The following LRRTM4 variants were observed in gnomAD, a reference collection of about 807,000 sequenced individuals.
LRRTM4 encodes the protein leucine rich repeat transmembrane neuronal 4, also known as leucine-rich repeat transmembrane neuronal protein 4.
Under a neutral mutation model 47.6 loss-of-function variants are expected in LRRTM4, and 25 were observed. The ratio of observed to expected loss-of-function variants is 0.53; its 90% CI spans 0.38 to 0.73. The LOEUF is 0.73. LRRTM4 is among the 30% of genes least tolerant of loss of function. The probability of loss-of-function intolerance (pLI) is 0.00; values close to 1 mark genes in which losing one functional copy is unlikely to be tolerated. For missense variants in LRRTM4, 638 were observed against 713.4 expected, an observed-to-expected ratio of 0.89 and a Z score of 1.20; for synonymous variants, 311 against 269.5, an observed-to-expected ratio of 1.15 and a Z score of -1.51.
chr2:77,010,557 A>G (rs575050939), intron 3 of LRRTM4, among the ~76,000 whole-genome samples: 8 of 145,758 alleles, frequency 5.5e-5, no homozygotes, highest in African/African-American at 2.0e-4. Flanking sequence ...GTCTTTAACC[A>G]TTCATCTGTT....
chr2:77,325,226 C>T (rs1670716031), intron 3 of LRRTM4, among the ~76,000 whole-genome samples: 1 of 152,130 alleles, frequency 6.6e-6, no homozygotes, highest in Non-Finnish European at 1.5e-5. Flanking sequence ...CCTGTATCAG[C>T]CTCTGGTTCT....
intron 3 of LRRTM4, among the ~76,000 whole-genome samples, chr2:76,797,765 G>C (rs1041514450): frequency 6.6e-6 from 1 of 150,660 alleles, no homozygotes; most frequent in South Asian, 2.1e-4. Context: ...AAAAGGATGG[G>C]GGAAGATCTA....
intron 3 of LRRTM4, among the ~76,000 whole-genome samples, chr2:77,289,135 T>C (rs1676748579): frequency 6.6e-6 from 1 of 152,072 alleles, no homozygotes; most frequent in Admixed American, 6.6e-5. Flanking sequence ...AATTGGACCT[T>C]GACCAATATC....
intron 3 of LRRTM4, among the ~76,000 whole-genome samples, chr2:76,762,872 G>A (rs1517779): frequency 0.32 from 48,514 of 151,998 alleles, 8,582 homozygotes; most frequent in African/African-American, 0.47. Flanking sequence ...GTCATGTGAA[G>A]CAGGAAGTTT....
chr2:77,509,454 A>T (rs1007134701), intron 3 of LRRTM4, among the ~76,000 whole-genome samples: 1 of 152,086 alleles, frequency 6.6e-6, no homozygotes, highest in Non-Finnish European at 1.5e-5. Context: ...GGTATTATTA[A>T]ATATTGCCAG....
At chr2:76,846,691 A>ATAGT (rs1158628903) in intron 3 of LRRTM4, among the ~76,000 whole-genome samples, 2 of 152,078 alleles carry the variant, frequency 1.3e-5, no homozygotes, top group Non-Finnish European at 2.9e-5. Flanking sequence ...ACATACCTGA[A>ATAGT]TAGTTAGAAC....
At chr2:76,974,567 A>C (rs1388074761) in intron 3 of LRRTM4, among the ~76,000 whole-genome samples, 1 of 151,428 alleles carries the variant, frequency 6.6e-6, no homozygotes, top group African/African-American at 2.4e-5. Context: ...TATAATGGAA[A>C]TCAAGCAAAA....
intron 3 of LRRTM4, among the ~76,000 whole-genome samples, chr2:76,950,088 G>T (rs1387089742): frequency 6.6e-6 from 1 of 151,920 alleles, no homozygotes; most frequent in Non-Finnish European, 1.5e-5. Context: ...CACAAATTAT[G>T]AAAACAGTAG....
At chr2:77,087,770 A>C in intron 3 of LRRTM4, among the ~76,000 whole-genome samples, 1 of 152,254 alleles carries the variant, frequency 6.6e-6, no homozygotes, top group East Asian at 1.9e-4. Flanking sequence ...AAATAGAATG[A>C]GAATATATGT....
chr2:77,211,915 TC>T (rs1235636359), intron 3 of LRRTM4, among the ~76,000 whole-genome samples: 1 of 152,158 alleles, frequency 6.6e-6, no homozygotes, highest in Non-Finnish European at 1.5e-5. Context: ...TGTACTATAT[TC>T]TTTATTAATT....
chr2:77,468,369 A>G (rs1677060409), intron 3 of LRRTM4, among the ~76,000 whole-genome samples: 2 of 152,332 alleles, frequency 1.3e-5, no homozygotes, highest in South Asian at 2.1e-4. Context: ...TGAGAATTTT[A>G]TAGAACATCA....
intron 3 of LRRTM4, among the ~76,000 whole-genome samples, chr2:76,801,835 T>C (rs1050653961): frequency 6.6e-6 from 1 of 152,112 alleles, no homozygotes; most frequent in Non-Finnish European, 1.5e-5. Flanking sequence ...AATGTATAAA[T>C]GTGATATGCC....
intron 3 of LRRTM4, among the ~76,000 whole-genome samples, chr2:76,785,991 T>G (rs971717082): frequency 7.9e-5 from 12 of 152,108 alleles, no homozygotes; most frequent in African/African-American, 2.7e-4. Flanking sequence ...AATATGCAAT[T>G]TAACTCAATG....
Position 77,176,133 on chromosome 2 carries a change from G to T in LRRTM4, c.1551+342185C>A, listed in dbSNP as rs190765075. Among the ~76,000 whole-genome samples, 159 of 152,042 alleles carry T rather than the reference G, an allele frequency of 1.0e-3. 1 individual carries two copies. Among genetic ancestry groups the T allele is most frequent in the African/African-American group, 3.7e-3 (153 of 41,356 alleles). ...AATGCTTGAGGCTTTGTAAATTAGG[G>T]ATGTTTGTGTGAATAAAGTTATTTG... On this transcript the variant is annotated intron_variant, in intron 3 of 3. Coordinates refer to ENST00000409884, the MANE Select transcript of LRRTM4 (RefSeq NM_001134745.3).
intron 3 of LRRTM4, among the ~76,000 whole-genome samples, chr2:77,239,003 T>A (rs1295440582): frequency 2.0e-5 from 3 of 151,790 alleles, no homozygotes; most frequent in African/African-American, 7.2e-5. Flanking sequence ...TACCCACAAT[T>A]TTTTTAAATA....
At chr2:77,361,819 G>C (rs1672224464) in intron 3 of LRRTM4, among the ~76,000 whole-genome samples, 1 of 151,872 alleles carries the variant, frequency 6.6e-6, no homozygotes, top group Non-Finnish European at 1.5e-5. Context: ...TACAACCATT[G>C]ACATTTTACA....
chr2:77,045,786 G>A (rs1272021096), intron 3 of LRRTM4, among the ~76,000 whole-genome samples: 1 of 151,740 alleles, frequency 6.6e-6, no homozygotes, highest in Non-Finnish European at 1.5e-5. Context: ...CTCAGTCTTG[G>A]GTAAGTGTTT....
At chr2:77,298,782 T>C (rs1429884585) in intron 3 of LRRTM4, among the ~76,000 whole-genome samples, 1 of 152,224 alleles carries the variant, frequency 6.6e-6, no homozygotes, top group African/African-American at 2.4e-5. Flanking sequence ...ATCCTGCTGC[T>C]ATCATTAGAG....
intron 3 of LRRTM4, among the ~76,000 whole-genome samples, chr2:77,281,842 G>A (rs2104101492): frequency 6.6e-6 from 1 of 151,956 alleles, no homozygotes; most frequent in South Asian, 2.1e-4. Flanking sequence ...GTTTGACCAT[G>A]TAGACTATGT....
Sources: allele counts gnomAD v4.1 joint callset (sites outside exome capture counted in the v4.1 genomes callset), GRCh38; gene constraint gnomAD v4.1.1; transcripts MANE v1.5; gene names NCBI Gene and HGNC (gene_info 2026-07-23, HGNC 2026-07-21).